The following RNFT2 variants were observed in gnomAD, a reference collection of about 807,000 sequenced individuals.
RNFT2 encodes E3 ubiquitin-protein ligase RNFT2.
In RNFT2, 36 loss-of-function variants were observed where a neutral mutation model predicts 53.0. The ratio of observed to expected loss-of-function variants is 0.68; its 90% confidence interval spans 0.52 to 0.90. The LOEUF (loss-of-function observed/expected upper bound fraction) is 0.90. Ranked by LOEUF, RNFT2 falls within the 40% of genes least tolerant of loss-of-function variation. The pLI is 0.00. For synonymous variants in RNFT2, 260 were observed against 253.2 expected (o/e 1.03, Z -0.26); for missense variants, 514 against 585.6 (o/e 0.88, Z 1.26).
chr12:116,832,037 G>A (rs1245316468), intron 7 of RNFT2, among the ~76,000 whole-genome samples: 7 of 150,268 alleles, frequency 4.7e-5, no homozygotes, highest in Non-Finnish European at 8.9e-5. Flanking sequence ...AGGCTGAGGT[G>A]GAAGGATTGC....
chr12:116,837,517 A>G (rs984511779), intron 10 of RNFT2, among the ~76,000 whole-genome samples: 30 of 152,296 alleles, frequency 2.0e-4, no homozygotes, highest in African/African-American at 6.0e-4. Context: ...AACATCGACA[A>G]GCATTTTTGT....
Position 116,847,001 on chromosome 12 carries a change from T to C in RNFT2, c.1201-2313T>C, listed in dbSNP as rs7978279. Among the ~76,000 whole-genome samples the C allele has an allele frequency of 4.5e-3, 678 of 149,410 alleles. 6 individuals are homozygous for C. Among genetic ancestry groups the C allele is most frequent in the African/African-American group, 0.016 (653 of 40,572 alleles). On this transcript the variant is annotated intron_variant, in intron 10 of 10. Transcript: ENST00000257575. The stretch of plus-strand genomic sequence containing the variant: ...TTGGCTCACTGCAACCTCTGCCCCC[T>C]GGGTTCAAACGATTCTCCTGCCTTA...
chr12:116,816,441 C>A (rs933380804), intron 7 of RNFT2, among the ~76,000 whole-genome samples: 1 of 152,226 alleles, frequency 6.6e-6, no homozygotes, highest in Admixed American at 6.5e-5. Flanking sequence ...GCACCAGAGG[C>A]GATCGCGGCC....
chr12:116,741,229 T>C, intron 3 of RNFT2, 135 bp downstream of exon 3: 1 of 697,838 alleles, frequency 1.4e-6, no homozygotes, highest in Non-Finnish European at 2.5e-6. Context: ...ATACTAAACA[T>C]TCAACGCATA....
At chr12:116,771,488 A>ATATATAT (rs1159943371) in intron 6 of RNFT2, among the ~76,000 whole-genome samples, 10 of 99,920 alleles carry the variant, frequency 1.0e-4, no homozygotes, top group African/African-American at 3.0e-4. Context: ...AAAAAAAAAA[A>ATATATAT]AAAAAAATAC....
intron 7 of RNFT2, among the ~76,000 whole-genome samples, chr12:116,794,673 AGGGAG>A (rs1566083522): frequency 2.2e-4 from 8 of 36,720 alleles, no homozygotes; most frequent in East Asian, 1.3e-3. Flanking sequence ...GGAGGAAGGA[AGGGAG>A]GGAGGGAGGG....
intron 10 of RNFT2, 52 bp downstream of exon 10, chr12:116,836,334 G>C: frequency 6.9e-7 from 1 of 1,442,232 alleles, no homozygotes; most frequent in Non-Finnish European, 9.5e-7. Flanking sequence ...GGGAGAGTAG[G>C]ACCCTTCCCC....
intron 10 of RNFT2, among the ~76,000 whole-genome samples, chr12:116,841,898 T>TATATAAAA (rs1877334998): frequency 2.7e-5 from 1 of 37,224 alleles, no homozygotes; most frequent in African/African-American, 2.2e-4. Context: ...TATAAAAATA[T>TATATAAAA]ATATATATAA....
At chr12:116,816,836 TAAC>T (rs139342998) in intron 7 of RNFT2, among the ~76,000 whole-genome samples, 3,086 of 152,232 alleles carry the variant, frequency 0.02, 107 homozygotes, top group African/African-American at 0.07. Context: ...AAACAAAAAA[TAAC>T]AAATACTCGT....
intron 5 of RNFT2, 142 bp from the exon 6 acceptor site, chr12:116,766,672 G>A (rs1872926670): frequency 1.5e-6 from 1 of 650,706 alleles, no homozygotes. Context: ...GAATAGAAAG[G>A]TGCCAATGCC....
intron 7 of RNFT2, among the ~76,000 whole-genome samples, chr12:116,832,999 T>C (rs1876760218): frequency 6.8e-6 from 1 of 146,490 alleles, no homozygotes; most frequent in African/African-American, 2.5e-5. Flanking sequence ...ACTGCAACTC[T>C]GCCTCCCAAG....
intron 10 of RNFT2, among the ~76,000 whole-genome samples, chr12:116,838,302 A>G (rs2137209729): frequency 6.6e-6 from 1 of 152,340 alleles, no homozygotes; most frequent in South Asian, 2.1e-4. Context: ...GGTTAATTCA[A>G]GGGAAGCATT....
In RNFT2 at chr12:116,851,465, G is replaced by A; in HGVS notation, c.*2017G>A. 2.3e-6 allele frequency: 1 copy of A among 432,666 alleles called. No homozygotes were observed. Among genetic ancestry groups the A allele is most frequent in the Non-Finnish European group, 4.2e-6 (1 of 236,342 alleles). The allele number at this position is 432,666 out of a possible 1,614,324, so 26.8% of individuals were successfully genotyped here. On this transcript the variant is annotated 3_prime_UTR_variant, in exon 11 of 11. Coordinates refer to ENST00000257575, the MANE Select transcript of RNFT2 (RefSeq NM_001382266.1). ...TCTAAAAGCACACGAGAGGCCGGGT[G>A]TGGTGGCCCATGCCTGTAGTGCCAG...
At chr12:116,841,537 C>G (rs1404536899) in intron 10 of RNFT2, among the ~76,000 whole-genome samples, 1 of 150,586 alleles carries the variant, frequency 6.6e-6, no homozygotes, top group Non-Finnish European at 1.5e-5. Context: ...CACCTGAGGT[C>G]AGGAGTTCGA....
Position 116,750,153 on chromosome 12 carries a change from G to GGACC in RNFT2, c.397_400dup (p.His134ArgfsTer50). The GGACC allele has an allele frequency of 6.3e-7, 1 of 1,587,314 alleles. No individual in the cohort carries two copies. The highest frequency in any genetic ancestry group is 8.5e-7 in the Non-Finnish European group (1 of 1,172,812). ...GCTCCCTGCTGCAGCACGTGGGTGG[G>GGACC]GACCACCGGGGGCACTCGGAGGAGG... On this transcript the variant is annotated frameshift_variant, in exon 4 of 11. Coordinates refer to ENST00000257575, the MANE Select transcript of RNFT2 (RefSeq NM_001382266.1). LOFTEE classifies it high-confidence loss of function.
chr12:116,754,916 T>C lies in RNFT2; in HGVS notation c.627+856T>C, dbSNP rs188645031. On this transcript the variant is annotated intron_variant, in intron 5 of 10. Coordinates refer to ENST00000257575, the MANE Select transcript of RNFT2 (RefSeq NM_001382266.1). ...TTGTCAGATGTACAGATTGTGAAGA[T>C]TTTCTCCCACTCTGTGGGTTGTCTG... Among the ~76,000 whole-genome samples, 563 of 152,060 alleles carry C rather than the reference T, an allele frequency of 3.7e-3. 4 individuals carry two copies. Among genetic ancestry groups the C allele is most frequent in the African/African-American group, 0.013 (536 of 41,484 alleles).
intron 7 of RNFT2, among the ~76,000 whole-genome samples, chr12:116,821,676 G>A (rs1376536125): frequency 1.3e-5 from 2 of 152,190 alleles, no homozygotes; most frequent in African/African-American, 4.8e-5. Context: ...CAGGAGGCTG[G>A]AAGCAGTCCC....
intron 7 of RNFT2, among the ~76,000 whole-genome samples, chr12:116,821,569 C>T (rs1013410242): frequency 6.6e-6 from 1 of 152,202 alleles, no homozygotes; most frequent in African/African-American, 2.4e-5. Context: ...TTGTGGCCCC[C>T]ATACCCTGGG....
At chr12:116,755,706 A>T (rs891327149) in intron 5 of RNFT2, 1 of 1,508,256 alleles carries the variant, frequency 6.6e-7, no homozygotes, top group African/African-American at 1.4e-5. Flanking sequence ...TTGCCATGGT[A>T]ACACTTACGG....
Sources: allele counts gnomAD v4.1 joint callset (sites outside exome capture counted in the v4.1 genomes callset), GRCh38; gene constraint gnomAD v4.1.1; transcripts MANE v1.5; gene names NCBI Gene and HGNC (gene_info 2026-07-23, HGNC 2026-07-21).